Variants in TYK2 observed in about 807,000 individuals in gnomAD.
TYK2 encodes tyrosine kinase 2.
Under a neutral mutation model 130.9 loss-of-function variants are expected in TYK2, and 65 were observed. The ratio of observed to expected loss-of-function variants is 0.50; its 90% CI spans 0.41 to 0.61. TYK2 has a LOEUF of 0.61. TYK2 is among the 20% of genes least tolerant of loss of function. The pLI is 0.00. For missense variants in TYK2, 1,378 were observed against 1,610.7 expected, an observed-to-expected ratio of 0.86 and a Z score of 2.47; for synonymous variants, 647 against 658.9, an observed-to-expected ratio of 0.98 and a Z score of 0.28.
At chr19:10,363,646 G>A (rs143568667) in intron 9 of TYK2, among the ~76,000 whole-genome samples, 1 of 152,268 alleles carries the variant, frequency 6.6e-6, no homozygotes, top group Non-Finnish European at 1.5e-5. Context: ...AAAGGACAAC[G>A]ATCCCAGACA....
chr19:10,358,283 A>ATTTTT (rs999052520), intron 15 of TYK2, 145 bp from the exon 16 acceptor site: 1 of 286,116 alleles, frequency 3.5e-6, no homozygotes, highest in African/African-American at 4.0e-5. Context: ...TTGGGGGGTT[A>ATTTTT]TTTTTTTCTT....
chr19:10,352,646 C>G, intron 22 of TYK2, 95 bp from the exon 23 acceptor site: 1 of 763,770 alleles, frequency 1.3e-6, no homozygotes. Flanking sequence ...GAAGGACCCT[C>G]TGGGCTCAGT....
intron 2 of TYK2, among the ~76,000 whole-genome samples, chr19:10,378,833 A>ATCT (rs2042264340): frequency 5.9e-4 from 88 of 148,916 alleles, no homozygotes; most frequent in Middle Eastern, 3.4e-3. Flanking sequence ...GTTTTATTTT[A>ATCT]TATCTTATCT....
chr19:10,352,727 G>A (rs1246444697), intron 22 of TYK2, among the ~76,000 whole-genome samples, 176 bp from the exon 23 acceptor site: 3 of 151,952 alleles, frequency 2.0e-5, no homozygotes, highest in Non-Finnish European at 4.4e-5. Context: ...CATTGGCTAG[G>A]CCGGGTTAAC....
intron 3 of TYK2, among the ~76,000 whole-genome samples, chr19:10,377,151 T>G (rs2042148547): frequency 6.6e-6 from 1 of 152,164 alleles, no homozygotes; most frequent in African/African-American, 2.4e-5. Context: ...GCAATCCTCC[T>G]GCCTGGGCCT....
chr19:10,352,845 T>C, intron 22 of TYK2, 81 bp downstream of exon 22: 4 of 1,487,246 alleles, frequency 2.7e-6, no homozygotes, highest in Non-Finnish European at 3.6e-6. Flanking sequence ...TGCCCTATCA[T>C]GATACCCAGC....
chr19:10,378,442 T>C lies in TYK2; in HGVS notation c.-20-16A>G. The stretch of plus-strand genomic sequence containing the variant: ...GGTGGCTCAGCTGGAAAGGGGACAA[T>C]CTGTCAGCTCCCAAGTCTCAGCCCA... On this transcript the variant is annotated splice_polypyrimidine_tract_variant and intron_variant, in intron 2 of 24. Coordinates refer to ENST00000525621, the MANE Select transcript of TYK2 (RefSeq NM_003331.5). 6.3e-7 allele frequency: 1 copy of C among 1,595,758 alleles called. No homozygotes were observed. The highest frequency in any genetic ancestry group is 8.5e-7 in the Non-Finnish European group (1 of 1,175,032).
chr19:10,353,056 G>A lies in TYK2; in HGVS notation c.3070C>T (p.Leu1024=), dbSNP rs566658678. The A allele has an allele frequency of 1.9e-6, 3 of 1,585,786 alleles. No individual in the cohort carries two copies. The highest frequency in any genetic ancestry group is 1.3e-5 in the African/African-American group (1 of 74,574). The change falls in exon 22 of 25, where the codon CTA becomes TTA. Residue 1024 remains leucine, a synonymous_variant. Coordinates refer to ENST00000525621, the MANE Select transcript of TYK2 (RefSeq NM_003331.5). The surrounding 1 kb of genome is among the most constrained non-coding windows in gnomAD (Gnocchi z 6.9). The stretch of plus-strand genomic sequence containing the variant: ...TCCAGCAGCACGTTGCGCGCGGCTA[G>A]GTCTCGGTGGATGTAGTGCTGCGCG... ...LHAQHYIHRD[L]AARNVLLDND...
At chr19:10,377,370 GGATAGATGGATGAATA>G (rs2042159884) in intron 3 of TYK2, among the ~76,000 whole-genome samples, 1 of 138,444 alleles carries the variant, frequency 7.2e-6, no homozygotes, top group African/African-American at 2.9e-5. Flanking sequence ...ATGGATGGAT[GGATAGATGGATGAATA>G]GGTGGGTGGG....
Position 10,361,541 on chromosome 19 carries a change from C to A in TYK2, c.2017G>T (p.Val673Leu), listed in dbSNP as rs528691386. The A allele has an allele frequency of 1.5e-4, 228 of 1,547,262 alleles. No homozygotes were observed. Among genetic ancestry groups the A allele is most frequent in the Admixed American group, 3.5e-4 (18 of 50,908 alleles). Residue 673 changes from valine to leucine, a missense_variant, in exon 14 of 25, where the codon GTG (valine) becomes TTG (leucine). Coordinates refer to ENST00000525621, the MANE Select transcript of TYK2 (RefSeq NM_003331.5). The surrounding 1 kb of genome is among the most constrained non-coding windows in gnomAD (Gnocchi z 4.0). ...GGGCCGCGCACACAGACGCCATGCA[C>A]GAAGGCCAGGTGCGTGTGGGAGACC... ...SQVSHTHLAF[V>L]HGVCVRGPEN...
intron 9 of TYK2, among the ~76,000 whole-genome samples, chr19:10,363,144 G>A (rs2041490542): frequency 6.6e-6 from 1 of 151,570 alleles, no homozygotes; most frequent in Non-Finnish European, 1.5e-5. Flanking sequence ...CCAAAGTGCT[G>A]GGATTACAGG....
At chr19:10,352,235 C>T (rs1447126286) in intron 23 of TYK2, among the ~76,000 whole-genome samples, 199 bp downstream of exon 23, 5 of 151,510 alleles carry the variant, frequency 3.3e-5, no homozygotes, top group Non-Finnish European at 7.4e-5. Context: ...CCACGCCTGG[C>T]TAATTTTTTT....
Position 10,367,434 on chromosome 19 carries a change from G to A in TYK2, c.465+621C>T, listed in dbSNP as rs149923129. ...GAGGTCAGGAGTTTGAGACCAGCCT[G>A]GCCAACATGGTGAAACCCCGTCTTT... is the stretch of plus-strand genomic sequence containing the variant. On this transcript the variant is annotated intron_variant, in intron 5 of 24. Transcript: ENST00000525621. Among the ~76,000 whole-genome samples the A allele has an allele frequency of 4.0e-3, 614 of 152,144 alleles. 15 individuals carry two copies. In the East Asian group the frequency reaches 0.05, roughly 12 times the overall value.
intron 3 of TYK2, among the ~76,000 whole-genome samples, chr19:10,372,484 ATTTTTT>A (rs1170442654): frequency 5.3e-4 from 20 of 37,388 alleles, no homozygotes; most frequent in Non-Finnish European, 8.1e-4. Context: ...ATATATATAT[ATTTTTT>A]TTTTTTTTTT....
intron 9 of TYK2, 54 bp from the exon 10 acceptor site, chr19:10,362,711 T>C (rs1179495691): frequency 1.7e-5 from 24 of 1,452,054 alleles, no homozygotes; most frequent in Non-Finnish European, 2.1e-5. Flanking sequence ...TCTGGACCCA[T>C]ACCCGGGAAC....
rs138742402 is a variant in TYK2 at position 10,368,168 on chromosome 19, G to A, written c.352C>T (p.Arg118Trp). ...YFRNWHGMNP[R>W]EPAVYRCGPP... is the part of the protein sequence containing the mutation. The stretch of plus-strand genomic sequence containing the variant: ...CCACAACGGTACACAGCCGGTTCCC[G>A]AGGATTCATGCCATGCCAGTTCCGG... The change falls in exon 5 of 25, where the codon CGG becomes TGG. Residue 118 changes from arginine (R) to tryptophan (W), a missense_variant. Coordinates refer to ENST00000525621, the MANE Select transcript of TYK2 (RefSeq NM_003331.5). 75 of 1,614,014 alleles carry A rather than the reference G, an allele frequency of 4.6e-5. No individual in the cohort carries two copies. The highest frequency in any genetic ancestry group is 1.7e-4 in the African/African-American group (13 of 74,922).
intron 1 of TYK2, among the ~76,000 whole-genome samples, 198 bp from the exon 2 acceptor site, chr19:10,379,977 G>T (rs937783277): frequency 6.6e-6 from 1 of 152,144 alleles, no homozygotes; most frequent in African/African-American, 2.4e-5. Context: ...CCAATCCAGG[G>T]CCTGAGCCTC....
Position 10,352,994 on chromosome 19 carries a change from T to C in TYK2, c.3132A>G (p.Leu1044=), listed in dbSNP as rs749820781. 2 of 1,606,652 alleles carry C rather than the reference T, an allele frequency of 1.2e-6. No homozygotes were observed. The highest frequency in any genetic ancestry group is 1.7e-6 in the Non-Finnish European group (2 of 1,176,526). ...DRLVKIGDFG[L]AKAVPEGHEY... ...CGTGGCCTTCGGGCACGGCCTTGGC[T>C]AGGCCAAAGTCCCCGATCTTGACCA... is the stretch of plus-strand genomic sequence containing the variant. Residue 1044 remains leucine, a synonymous_variant, in exon 22 of 25, where the codon CTA becomes CTG. Transcript: ENST00000525621.
intron 17 of TYK2, chr19:10,357,069 G>A (rs1356854971): frequency 4.8e-6 from 2 of 415,214 alleles, no homozygotes; most frequent in South Asian, 2.3e-5. Context: ...AGCCAGGCTT[G>A]TTGGCATAAT....
Sources: allele counts gnomAD v4.1 joint callset (sites outside exome capture counted in the v4.1 genomes callset), GRCh38; gene constraint gnomAD v4.1.1; non-coding constraint Gnocchi (gnomAD v3.1); transcripts MANE v1.5; gene names NCBI Gene and HGNC (gene_info 2026-07-23, HGNC 2026-07-21).